The following EPHA6 variants were observed in gnomAD, a reference collection of about 807,000 sequenced individuals.
The protein encoded by EPHA6 is ephrin type-A receptor 6.
Under a neutral mutation model 112.0 loss-of-function variants are expected in EPHA6, and 50 were observed. The ratio of observed to expected loss-of-function variants is 0.45; its 90% CI spans 0.36 to 0.56. The LOEUF (loss-of-function observed/expected upper bound fraction) is 0.56, where lower values mean the gene tolerates loss of function less well. Among genes scored for constraint, EPHA6 ranks in the 20% least tolerant of loss-of-function variants. The pLI is 0.00. For synonymous variants in EPHA6, 529 were observed against 490.7 expected (o/e 1.08, Z -1.03); for missense variants, 1,280 against 1,417.4 (o/e 0.90, Z 1.56).
At chr3:97,242,984 AGGT>A (rs1559822457) in intron 4 of EPHA6, among the ~76,000 whole-genome samples, 2 of 151,842 alleles carry the variant, frequency 1.3e-5, no homozygotes, top group Non-Finnish European at 2.9e-5. Flanking sequence ...GAAGACATTC[AGGT>A]AATATTTGTT....
intron 10 of EPHA6, among the ~76,000 whole-genome samples, chr3:97,531,785 C>T (rs767754739): frequency 2.6e-5 from 4 of 152,038 alleles, no homozygotes; most frequent in Non-Finnish European, 5.9e-5. Context: ...AAACATATCT[C>T]ATCTTCCTTA....
At chr3:97,491,607 G>A (rs949422194) in intron 10 of EPHA6, among the ~76,000 whole-genome samples, 2 of 120,768 alleles carry the variant, frequency 1.7e-5, no homozygotes, top group Non-Finnish European at 1.6e-5. Flanking sequence ...GTCTCTCCTT[G>A]TAAGGGTATG....
chr3:97,664,421 T>C (rs2094191723), intron 14 of EPHA6, among the ~76,000 whole-genome samples: 1 of 152,182 alleles, frequency 6.6e-6, no homozygotes. Context: ...AAGACAGGGA[T>C]GCCCTCCCTC....
intron 14 of EPHA6, among the ~76,000 whole-genome samples, chr3:97,700,396 G>C (rs373621999): frequency 6.6e-6 from 1 of 152,178 alleles, no homozygotes; most frequent in African/African-American, 2.4e-5. Flanking sequence ...CTGTGTCACT[G>C]AAGTCCAGAA....
At chr3:97,182,374 A>G (rs938064930) in intron 3 of EPHA6, among the ~76,000 whole-genome samples, 17 of 150,026 alleles carry the variant, frequency 1.1e-4, no homozygotes, top group African/African-American at 4.1e-4. Flanking sequence ...TTGTTTCATA[A>G]TATATTATTA....
chr3:97,660,560 A>C (rs1367025377), intron 14 of EPHA6, among the ~76,000 whole-genome samples: 1 of 152,110 alleles, frequency 6.6e-6, no homozygotes. Flanking sequence ...AATGGAATAC[A>C]AATGTGGCAC....
rs866152196 is a variant in EPHA6, at chr3:97,542,094, G to T, written c.2386+9551G>T. Among the ~76,000 whole-genome samples, 529 of 142,090 alleles carry T rather than the reference G, an allele frequency of 3.7e-3. 3 individuals carry two copies. Among genetic ancestry groups the T allele is most frequent in the Non-Finnish European group, 6.3e-3 (404 of 64,002 alleles). 93.2% of individuals were successfully genotyped at this position (142,090 alleles called of 152,430 possible). ...CTGTCTTGTCGCTTCATGTTTTTTTGTTTTTTTTTTTTTATACTTTACGTT... is the reference window on the plus strand; with the variant it reads ...CTGTCTTGTCGCTTCATGTTTTTTTTTTTTTTTTTTTTTATACTTTACGTT... On this transcript the variant is annotated intron_variant, in intron 11 of 17. Coordinates refer to ENST00000389672, the MANE Select transcript of EPHA6 (RefSeq NM_001080448.3).
chr3:96,822,628 C>G (rs1280215636), intron 1 of EPHA6, among the ~76,000 whole-genome samples: 3 of 151,308 alleles, frequency 2.0e-5, no homozygotes, highest in Admixed American at 6.6e-5. Flanking sequence ...TATTATTTTA[C>G]TCTTGTAATG....
intron 5 of EPHA6, among the ~76,000 whole-genome samples, chr3:97,321,633 A>G (rs187050393): frequency 6.6e-6 from 1 of 151,912 alleles, no homozygotes; most frequent in African/African-American, 2.4e-5. Context: ...CTGAAAATCT[A>G]TCTCTCTTTT....
chr3:96,953,146 C>A (rs1180309305), intron 2 of EPHA6, among the ~76,000 whole-genome samples: 1 of 151,832 alleles, frequency 6.6e-6, no homozygotes, highest in African/African-American at 2.4e-5. Context: ...GTTAGGTTTT[C>A]CATCCTGTAT....
chr3:97,271,591 C>T (rs2079882977), intron 5 of EPHA6, among the ~76,000 whole-genome samples: 1 of 152,210 alleles, frequency 6.6e-6, no homozygotes, highest in African/African-American at 2.4e-5. Flanking sequence ...CCCCTGACCT[C>T]AGGTGATCTG....
At chr3:97,070,030 A>G (rs1430399519) in intron 3 of EPHA6, among the ~76,000 whole-genome samples, 3 of 152,224 alleles carry the variant, frequency 2.0e-5, no homozygotes, top group Non-Finnish European at 4.4e-5. Flanking sequence ...TAGATGCGGC[A>G]TGACTGATTC....
rs576988487 is a variant in EPHA6 at position 97,402,222 on chromosome 3, C to T, written c.1607-2928C>T. Among the ~76,000 whole-genome samples, 11 of 152,012 alleles carry T rather than the reference C, an allele frequency of 7.2e-5. No individual in the cohort carries two copies. The South Asian group carries it at 1.7e-3, about 23-fold the overall frequency. On this transcript the variant is annotated intron_variant, in intron 5 of 17. Transcript: ENST00000389672. ...ATATTACTTTTTTGATTTTCTGTCT[C>T]GATAAGCTCTCTAATGCTGAGAGTA... is the stretch of plus-strand genomic sequence containing the variant.
At chr3:97,167,783 T>G (rs1444800418) in intron 3 of EPHA6, among the ~76,000 whole-genome samples, 1 of 152,042 alleles carries the variant, frequency 6.6e-6, no homozygotes, top group Non-Finnish European at 1.5e-5. Flanking sequence ...CAGTATTCTT[T>G]AGTATTAATT....
At chr3:97,074,125 G>T (rs1315123457) in intron 3 of EPHA6, among the ~76,000 whole-genome samples, 1 of 151,440 alleles carries the variant, frequency 6.6e-6, no homozygotes, top group African/African-American at 2.4e-5. Flanking sequence ...TGCATTTATG[G>T]GTGTGCTATC....
intron 5 of EPHA6, among the ~76,000 whole-genome samples, chr3:97,363,473 C>A (rs1397391609): frequency 1.3e-5 from 2 of 151,284 alleles, no homozygotes; most frequent in African/African-American, 4.9e-5. Context: ...AACCTCAAGT[C>A]TCTTTTAGCA....
chr3:97,325,895 A>AT (rs1354745836), intron 5 of EPHA6, among the ~76,000 whole-genome samples: 1 of 152,030 alleles, frequency 6.6e-6, no homozygotes, highest in Non-Finnish European at 1.5e-5. Flanking sequence ...GGAATCTCCT[A>AT]TTTTCTATAC....
At chr3:97,222,264 A>G (rs929605659) in intron 3 of EPHA6, among the ~76,000 whole-genome samples, 4 of 152,186 alleles carry the variant, frequency 2.6e-5, no homozygotes, top group African/African-American at 4.8e-5. Context: ...GAGTGCCTCA[A>G]TAATAATTTT....
chr3:97,554,370 A>G (rs1319115220), intron 11 of EPHA6, among the ~76,000 whole-genome samples: 2 of 152,148 alleles, frequency 1.3e-5, no homozygotes, highest in Non-Finnish European at 2.9e-5. Flanking sequence ...CTACACTTAT[A>G]TATTGTTTTA....
Sources: allele counts gnomAD v4.1 joint callset (sites outside exome capture counted in the v4.1 genomes callset), GRCh38; gene constraint gnomAD v4.1.1; transcripts MANE v1.5; gene names NCBI Gene and HGNC (gene_info 2026-07-23, HGNC 2026-07-21).